MTUS2: variants seen among roughly 807,000 people sequenced by gnomAD.
The protein encoded by MTUS2 is microtubule-associated tumor suppressor candidate 2.
Under a neutral mutation model 114.1 loss-of-function variants are expected in MTUS2, and 40 were observed. The observed-to-expected ratio is 0.35, with a 90% confidence interval of 0.27 to 0.46. The LOEUF (loss-of-function observed/expected upper bound fraction) is 0.46. Ranked by LOEUF, MTUS2 falls within the 20% of genes least tolerant of loss-of-function variation. The pLI is 1.00. For synonymous variants in MTUS2, 688 were observed against 672.0 expected, an observed-to-expected ratio of 1.02 and a Z score of -0.37; for missense variants, 1,679 against 1,705.4, an observed-to-expected ratio of 0.98 and a Z score of 0.27.
chr13:29,452,983 T>G (rs1269913376), intron 9 of MTUS2, among the ~76,000 whole-genome samples: 2 of 152,180 alleles, frequency 1.3e-5, no homozygotes. Flanking sequence ...CAGTAGTAGA[T>G]AGGCAAGGGA....
intron 7 of MTUS2, among the ~76,000 whole-genome samples, chr13:29,333,583 T>C (rs1900903179): frequency 6.6e-6 from 1 of 152,224 alleles, no homozygotes; most frequent in South Asian, 2.1e-4. Context: ...CTTTTGCATT[T>C]TCTGAGGAGT....
chr13:29,281,740 A>C lies in MTUS2; in HGVS notation c.2681A>C (p.Lys894Thr), dbSNP rs1438570272. ...GGGAATGAAGAACAGCCAGTTCTGA[A>C]GGCATCTCTGCCTTCTAAGGACACA... ...TFGNEEQPVL[K>T]ASLPSKDTPK... The change falls in exon 6 of 16, where the codon AAG becomes ACG. Residue 894 changes from lysine (K) to threonine (T), a missense_variant. Transcript: ENST00000612955. 1.9e-6 allele frequency: 3 copies of C among 1,610,892 alleles called. No individual in the cohort carries two copies. The highest frequency in any genetic ancestry group is 2.5e-6 in the Non-Finnish European group (3 of 1,177,500).
intron 5 of MTUS2, among the ~76,000 whole-genome samples, chr13:29,209,006 G>C (rs1895308365): frequency 6.6e-6 from 1 of 152,078 alleles, no homozygotes; most frequent in South Asian, 2.1e-4. Flanking sequence ...GACCTGCCTA[G>C]TGCTGTCATT....
intron 8 of MTUS2, among the ~76,000 whole-genome samples, chr13:29,388,003 A>G (rs756486173): frequency 1.3e-5 from 2 of 152,166 alleles, no homozygotes; most frequent in Non-Finnish European, 2.9e-5. Flanking sequence ...TTACCAGAGC[A>G]CAAAACTTTG....
chr13:29,129,579 T>TGTC (rs11280814), intron 5 of MTUS2, among the ~76,000 whole-genome samples: 9 of 151,038 alleles, frequency 6.0e-5, no homozygotes, highest in African/African-American at 1.9e-4. Flanking sequence ...TTTATTGATA[T>TGTC]ATTTGTTCAT....
At chr13:29,048,506 T>C (rs1386133373) in intron 4 of MTUS2, among the ~76,000 whole-genome samples, 1 of 152,210 alleles carries the variant, frequency 6.6e-6, no homozygotes, top group Non-Finnish European at 1.5e-5. Flanking sequence ...AGGGTCTCAC[T>C]CTCTTGCCCG....
At chr13:29,078,457 A>G (rs554773049) in intron 4 of MTUS2, among the ~76,000 whole-genome samples, 1 of 152,336 alleles carries the variant, frequency 6.6e-6, no homozygotes, top group Non-Finnish European at 1.5e-5. Context: ...CCTGAGCTGA[A>G]GAACTTTTAT....
intron 4 of MTUS2, among the ~76,000 whole-genome samples, chr13:29,095,626 G>A (rs1890146114): frequency 6.6e-6 from 1 of 151,696 alleles, no homozygotes; most frequent in South Asian, 2.1e-4. Flanking sequence ...CTTAATGATG[G>A]TCCACATCTC....
chr13:28,833,277 T>TTGTGTTG (rs1874832709), intron 1 of MTUS2, among the ~76,000 whole-genome samples: 1 of 152,120 alleles, frequency 6.6e-6, no homozygotes, highest in Admixed American at 6.5e-5. Context: ...AGTATCGCTG[T>TTGTGTTG]TATTCTGTAT....
chr13:29,151,009 G>T (rs189757365), intron 5 of MTUS2, among the ~76,000 whole-genome samples: 314 of 152,222 alleles, frequency 2.1e-3, no homozygotes, highest in African/African-American at 7.3e-3. Context: ...GCCTAAGATT[G>T]CTTTGGTTAT....
chr13:28,922,919 T>C (rs1207351491), intron 2 of MTUS2, among the ~76,000 whole-genome samples: 4 of 152,356 alleles, frequency 2.6e-5, no homozygotes, highest in African/African-American at 9.6e-5. Context: ...CACCAACATT[T>C]CTTAAAATAC....
chr13:29,104,005 G>C (rs1170499717), intron 5 of MTUS2, among the ~76,000 whole-genome samples: 2 of 151,840 alleles, frequency 1.3e-5, no homozygotes, highest in East Asian at 1.9e-4. Flanking sequence ...AAGTGATGAT[G>C]AATGTGGAAA....
At chr13:28,976,697 T>C (rs943397463) in intron 2 of MTUS2, among the ~76,000 whole-genome samples, 1 of 152,188 alleles carries the variant, frequency 6.6e-6, no homozygotes, top group African/African-American at 2.4e-5. Context: ...TAACAGTGAT[T>C]GGCAATATCT....
intron 2 of MTUS2, among the ~76,000 whole-genome samples, chr13:28,964,553 G>C (rs1883488764): frequency 6.6e-6 from 1 of 151,818 alleles, no homozygotes; most frequent in Non-Finnish European, 1.5e-5. Flanking sequence ...GCACTTGAGA[G>C]GTACGCTGAA....
At position 29,503,525 on chromosome 13, in the gene MTUS2, A is replaced by G. The variant is rs1374637721; in HGVS notation, c.*319A>G. On this transcript the variant is annotated 3_prime_UTR_variant, in exon 16 of 16. Transcript: ENST00000612955. ...ACAAAAAGCTCAGTTTTCAATATAC[A>G]TTGAATAATCATTGTGTACTGCACC... 1 of 498,198 alleles carries G rather than the reference A, an allele frequency of 2.0e-6. No individual in the cohort carries two copies. Among genetic ancestry groups the G allele is most frequent in the East Asian group, 3.5e-5 (1 of 28,882 alleles). 30.9% of individuals were successfully genotyped at this position (498,198 alleles called of 1,614,324 possible).
At chr13:29,300,324 G>T (rs1229608833) in intron 6 of MTUS2, among the ~76,000 whole-genome samples, 1 of 152,094 alleles carries the variant, frequency 6.6e-6, no homozygotes, top group Non-Finnish European at 1.5e-5. Flanking sequence ...TCATTTAAGA[G>T]CATATACACA....
rs1163538310 is a variant in MTUS2 at position 29,480,202 on chromosome 13, G to T, written c.3237G>T (p.Glu1079Asp). Residue 1079 changes from glutamate (E) to aspartate (D), a missense_variant, in exon 10 of 16, where the codon GAG becomes GAT. By Grantham distance (45) the Glu-to-Asp change is conservative. This residue lies in a region of MTUS2 where 822 missense variants were observed against 899.7 expected (regional missense o/e 0.91). Transcript: ENST00000612955. The surrounding 1 kb of genome is among the most constrained non-coding windows in gnomAD (Gnocchi z 4.4). The part of the protein sequence containing the change: ...EKLQKEKEEL[E>D]RRFEDEVKRL... ...TACAAAAGGAGAAGGAGGAGCTGGA[G>T]AGGCGGTTCGAGGACGAGGTGAAGA... The T allele has an allele frequency of 6.4e-7, 1 of 1,555,546 alleles. No homozygotes were observed. The highest frequency in any genetic ancestry group is 1.9e-5 in the Admixed American group (1 of 51,830).
chr13:29,471,063 C>T lies in MTUS2; in HGVS notation c.3185-9087C>T, dbSNP rs137931672. The stretch of plus-strand genomic sequence containing the variant: ...TACTATCTGAAATTTTGCTTCCTGG[C>T]GGGGCGGGGTGGCTCACACCTGTGA... On this transcript the variant is annotated intron_variant, in intron 9 of 15. Coordinates refer to ENST00000612955, the MANE Select transcript of MTUS2 (RefSeq NM_001033602.4). Among the ~76,000 whole-genome samples the T allele has an allele frequency of 2.2e-4, 34 of 152,222 alleles. No individual in the cohort carries two copies. In the East Asian group the frequency reaches 5.6e-3, roughly 25 times the overall value.
intron 8 of MTUS2, among the ~76,000 whole-genome samples, chr13:29,395,307 T>C (rs925143410): frequency 2.6e-5 from 4 of 152,162 alleles, no homozygotes; most frequent in Non-Finnish European, 2.9e-5. Flanking sequence ...GTAACCCAGG[T>C]GAGAGCCCTG....
Sources: allele counts gnomAD v4.1 joint callset (sites outside exome capture counted in the v4.1 genomes callset), GRCh38; gene constraint gnomAD v4.1.1; regional missense constraint gnomAD v4.1.1; non-coding constraint Gnocchi (gnomAD v3.1); transcripts MANE v1.5; gene names NCBI Gene and HGNC (gene_info 2026-07-23, HGNC 2026-07-21).